The following MTHFS variants were observed in gnomAD, a reference collection of about 807,000 sequenced individuals.
MTHFS encodes the protein 5-formyltetrahydrofolate cyclo-ligase.
In MTHFS, 7 loss-of-function variants were observed where a neutral mutation model predicts 12.7. The ratio of observed to expected loss-of-function variants is 0.55; its 90% CI spans 0.31 to 1.03. The LOEUF (loss-of-function observed/expected upper bound fraction) is 1.03, where lower values mean the gene tolerates loss of function less well. Among genes scored for constraint, MTHFS ranks in the 50% least tolerant of loss-of-function variants. The probability of loss-of-function intolerance (pLI) is 0.05; values close to 1 mark genes in which losing one functional copy is unlikely to be tolerated. For missense variants in MTHFS, 252 were observed against 258.1 expected, an observed-to-expected ratio of 0.98 and a Z score of 0.16; for synonymous variants, 100 against 97.1, an observed-to-expected ratio of 1.03 and a Z score of -0.18.
chr15:79,896,655 C>G lies in MTHFS; in HGVS notation c.117+217G>C. 42 of 838,192 alleles carry G rather than the reference C, an allele frequency of 5.0e-5. 1 individual carries two copies. The highest frequency in any genetic ancestry group is 7.1e-5 in the Non-Finnish European group (41 of 577,018). The allele number at this position is 838,192 out of a possible 1,614,324, so 51.9% of individuals were successfully genotyped here. ...GTCCTCTCGCTCTTTAGCCCCACAA[C>G]TTTCACTACCGGGCCCTCTCCCCGC... On this transcript the variant is annotated intron_variant, in intron 1 of 2. Coordinates refer to ENST00000258874, the MANE Select transcript of MTHFS (RefSeq NM_006441.4).
In MTHFS at chr15:79,894,502, T is replaced by C. The variant is rs112452545; in HGVS notation, c.117+2370A>G. Among the ~76,000 whole-genome samples the C allele has an allele frequency of 2.6e-4, 39 of 152,374 alleles. 1 individual carries two copies. The highest frequency in any genetic ancestry group is 9.4e-4 in the African/African-American group (39 of 41,592). On this transcript the variant is annotated intron_variant, in intron 1 of 2. Coordinates refer to ENST00000258874, the MANE Select transcript of MTHFS (RefSeq NM_006441.4). ...TTATTACTGAGGGTCATGGGTCTGCTTTTTAATTTTTCTCTCTCCTCCTTT... is the reference window on the plus strand; with the variant it reads ...TTATTACTGAGGGTCATGGGTCTGCCTTTTAATTTTTCTCTCTCCTCCTTT...
upstream of MTHFS, chr15:79,897,109 G>A (rs937065169): frequency 1.6e-5 from 15 of 954,668 alleles, no homozygotes; most frequent in Non-Finnish European, 2.1e-5. Flanking sequence ...GCTCGGGGAA[G>A]CGCCCCCACC....
intron 1 of MTHFS, among the ~76,000 whole-genome samples, chr15:79,889,622 T>C (rs2034440022): frequency 1.3e-5 from 2 of 152,296 alleles, no homozygotes; most frequent in South Asian, 4.1e-4. Flanking sequence ...AAAAGGTCAC[T>C]GTGGAGACAA....
chr15:79,897,154 C>G (rs1032467797), upstream of MTHFS: 9 of 582,666 alleles, frequency 1.5e-5, no homozygotes, highest in East Asian at 3.5e-5. Flanking sequence ...GCGCGCCGCG[C>G]GCTTACCTCG....
intron 1 of MTHFS, 76 bp downstream of exon 1, chr15:79,896,796 A>C (rs1289409647): frequency 1.3e-6 from 2 of 1,502,910 alleles, no homozygotes; most frequent in Non-Finnish European, 1.8e-6. Context: ...CGGACCATGC[A>C]CAGATCAGCA....
At chr15:79,896,683 T>C (rs550326165) in intron 1 of MTHFS, 189 bp downstream of exon 1, 107 of 1,066,118 alleles carry the variant, frequency 1.0e-4, no homozygotes, top group African/African-American at 8.4e-4. Flanking sequence ...CTCCCCGCCA[T>C]AGTGCCAAGA....
At position 79,869,379 on chromosome 15, in the gene MTHFS, TATAAA is replaced by T. The variant is rs147999427; in HGVS notation, c.379+19709_379+19713del. ...ATTTGAGAATATGCTGCATCTATAA[TATAAA>T]ATTAGAAAACACAGTCATACAAAAG... On this transcript the variant is annotated intron_variant, in intron 2 of 2. Transcript: ENST00000258874. Among the ~76,000 whole-genome samples the T allele has an allele frequency of 0.019, 2,924 of 152,298 alleles. 173 individuals are homozygous for T. In the East Asian group the frequency reaches 0.22, roughly 11 times the overall value.
chr15:79,846,516 C>T (rs1323749144), intron 2 of MTHFS, among the ~76,000 whole-genome samples: 2 of 152,222 alleles, frequency 1.3e-5, no homozygotes. Flanking sequence ...GGCTAGCCCC[C>T]ACTATCAGCA....
At chr15:79,864,474 G>A (rs1275519086) in intron 2 of MTHFS, among the ~76,000 whole-genome samples, 2 of 149,002 alleles carry the variant, frequency 1.3e-5, no homozygotes, top group African/African-American at 2.5e-5. Flanking sequence ...GAACCCGGGA[G>A]GTGGAGGGTG....
chr15:79,874,146 G>A (rs1214989177), intron 2 of MTHFS, among the ~76,000 whole-genome samples: 9 of 152,146 alleles, frequency 5.9e-5, no homozygotes. Flanking sequence ...CTTCTAGAAT[G>A]GCAGAGTAGA....
At chr15:79,851,714 A>T (rs891362734) in intron 2 of MTHFS, among the ~76,000 whole-genome samples, 8 of 152,212 alleles carry the variant, frequency 5.3e-5, no homozygotes, top group Non-Finnish European at 1.0e-4. Flanking sequence ...AAAGTCATTC[A>T]ACTCATAAGA....
chr15:79,846,873 G>A (rs751736118), intron 2 of MTHFS, among the ~76,000 whole-genome samples: 5 of 152,178 alleles, frequency 3.3e-5, no homozygotes, highest in African/African-American at 9.7e-5. Flanking sequence ...CACACAATGC[G>A]CAAACCTTTC....
intron 1 of MTHFS, among the ~76,000 whole-genome samples, chr15:79,895,935 T>C (rs1596086195): frequency 6.6e-6 from 1 of 152,330 alleles, no homozygotes; most frequent in African/African-American, 2.4e-5. Context: ...TACGTACTTA[T>C]TCAGGGGACA....
At chr15:79,847,113 A>G (rs75070955) in intron 2 of MTHFS, among the ~76,000 whole-genome samples, 3,763 of 152,342 alleles carry the variant, frequency 0.025, 170 homozygotes, top group African/African-American at 0.085. Flanking sequence ...TCAGGGAAGA[A>G]TTCATGGAAA....
At chr15:79,863,892 T>G (rs2033960074) in intron 2 of MTHFS, among the ~76,000 whole-genome samples, 4 of 152,222 alleles carry the variant, frequency 2.6e-5, no homozygotes, top group Admixed American at 2.6e-4. Context: ...TCACTGATAC[T>G]TTGGAGTTTT....
At chr15:79,857,885 G>A (rs1028523640) in intron 2 of MTHFS, among the ~76,000 whole-genome samples, 2 of 151,932 alleles carry the variant, frequency 1.3e-5, no homozygotes, top group Non-Finnish European at 2.9e-5. Context: ...GCATGGTGGC[G>A]CGTGCCTGTA....
At chr15:79,878,737 T>A (rs897920838) in intron 2 of MTHFS, among the ~76,000 whole-genome samples, 22 of 150,762 alleles carry the variant, frequency 1.5e-4, no homozygotes, top group South Asian at 1.0e-3. Flanking sequence ...GGTGGGAGAG[T>A]CTCCAGAGCA....
intron 2 of MTHFS, among the ~76,000 whole-genome samples, chr15:79,878,566 G>T (rs1212313016): frequency 1.3e-5 from 2 of 149,572 alleles, no homozygotes; most frequent in African/African-American, 5.0e-5. Flanking sequence ...TGGTGCCCAG[G>T]TGGCCGTATC....
chr15:79,860,002 T>C (rs2033882461), intron 2 of MTHFS, among the ~76,000 whole-genome samples: 1 of 152,112 alleles, frequency 6.6e-6, no homozygotes, highest in South Asian at 2.1e-4. Context: ...GCAAAAATCC[T>C]AAAAGAAAAC....
Sources: gnomAD v4.1 joint callset for allele counts (sites outside exome capture counted in the v4.1 genomes callset) on GRCh38, gnomAD v4.1.1 for gene constraint, MANE v1.5 for transcripts, NCBI Gene and HGNC (gene_info 2026-07-23, HGNC 2026-07-21) for gene names.